The following APPL2 variants were observed in gnomAD, a reference collection of about 807,000 sequenced individuals.
APPL2 encodes adaptor protein, phosphotyrosine interacting with PH domain and leucine zipper 2.
In APPL2, 84 loss-of-function variants were observed where a neutral mutation model predicts 92.7. The ratio of observed to expected loss-of-function variants is 0.91; its 90% CI spans 0.76 to 1.09. The LOEUF is 1.09. Among genes scored for constraint, APPL2 ranks in the 50% least tolerant of loss-of-function variants. The probability of loss-of-function intolerance (pLI) is 0.00; values close to 1 mark genes in which losing one functional copy is unlikely to be tolerated. For synonymous variants in APPL2, 291 were observed against 291.0 expected, an observed-to-expected ratio of 1.00 and a Z score of 0.00; for missense variants, 736 against 824.5, an observed-to-expected ratio of 0.89 and a Z score of 1.31.
rs191225131 is a variant in APPL2, at chr12:105,183,625, C to T, written c.1634+4648G>A. 1.1e-3 allele frequency among the ~76,000 whole-genome samples: 165 copies of T among 152,264 alleles called. 3 individuals are homozygous for T. Among genetic ancestry groups the T allele is most frequent in the African/African-American group, 3.6e-3 (150 of 41,554 alleles). ...GTTGTAGCGTTTCTGCAGAGAGATC[C>T]GCCGTTAGTCTGATGGGTTTCCCTT... is the stretch of plus-strand genomic sequence containing the variant. On this transcript the variant is annotated intron_variant, in intron 17 of 20. Coordinates refer to ENST00000258530, the MANE Select transcript of APPL2 (RefSeq NM_018171.5).
intron 5 of APPL2, among the ~76,000 whole-genome samples, 178 bp from the exon 6 acceptor site, chr12:105,208,377 G>A (rs545641774): frequency 1.1e-4 from 16 of 152,252 alleles, no homozygotes; most frequent in African/African-American, 3.6e-4. Context: ...TGGAACATAC[G>A]GCTTCAACCA....
chr12:105,231,530 C>T (rs959781948), intron 1 of APPL2, among the ~76,000 whole-genome samples: 19 of 152,164 alleles, frequency 1.2e-4, no homozygotes, highest in Non-Finnish European at 5.9e-5. Context: ...TGTTCAACCT[C>T]CCACTGTAGG....
chr12:105,226,223 A>T (rs984046283), intron 2 of APPL2, among the ~76,000 whole-genome samples: 1 of 152,262 alleles, frequency 6.6e-6, no homozygotes, highest in Non-Finnish European at 1.5e-5. Context: ...AATTAAAAAC[A>T]AAACGAAACA....
At chr12:105,180,587 C>T (rs1190053845) in intron 17 of APPL2, among the ~76,000 whole-genome samples, 8 of 152,200 alleles carry the variant, frequency 5.3e-5, no homozygotes, top group Non-Finnish European at 1.2e-4. Flanking sequence ...ATTGATTCTT[C>T]CTATCCATGA....
Position 105,197,753 on chromosome 12 carries a change from C to T in APPL2, c.1052+12G>A, listed in dbSNP as rs377449067. 35 of 1,614,004 alleles carry T rather than the reference C, an allele frequency of 2.2e-5. No homozygotes were observed. The highest frequency in any genetic ancestry group is 2.3e-5 in the Non-Finnish European group (27 of 1,180,020). ...ACTCATTCTCCTCCCAAATAAAACG[C>T]GTGAAACATACGATTTTCCATTGGG... On this transcript the variant is annotated intron_variant, in intron 11 of 20. Coordinates refer to ENST00000258530, the MANE Select transcript of APPL2 (RefSeq NM_018171.5).
chr12:105,187,381 CATTT>C, intron 17 of APPL2, among the ~76,000 whole-genome samples: 1 of 152,304 alleles, frequency 6.6e-6, no homozygotes, highest in African/African-American at 2.4e-5. Flanking sequence ...TTCCTCATGA[CATTT>C]ATTCCTCATG....
At chr12:105,190,244 A>G in intron 14 of APPL2, 89 bp from the exon 15 acceptor site, 1 of 1,368,168 alleles carries the variant, frequency 7.3e-7, no homozygotes, top group Non-Finnish European at 9.9e-7. Context: ...TTTATGAATG[A>G]AAATACAAGG....
intron 20 of APPL2, 149 bp from the exon 21 acceptor site, chr12:105,174,597 T>C: frequency 1.4e-6 from 1 of 737,382 alleles, no homozygotes. Flanking sequence ...TCCTTGCTTC[T>C]CAAACTCAGG....
chr12:105,235,185 T>C (rs1170370439), intron 1 of APPL2: 1 of 152,162 alleles, frequency 6.6e-6, no homozygotes, highest in Non-Finnish European at 1.5e-5. Flanking sequence ...GGAGAAATGT[T>C]AAACAAAGGA....
intron 17 of APPL2, among the ~76,000 whole-genome samples, chr12:105,186,636 C>CAATATCATATATATG (rs1851192966): frequency 1.1e-5 from 1 of 88,650 alleles, no homozygotes; most frequent in Non-Finnish European, 2.6e-5. Context: ...TCATATATAT[C>CAATATCATATATATG]ATATATATGA....
intron 2 of APPL2, among the ~76,000 whole-genome samples, chr12:105,223,285 A>G (rs968177488): frequency 1.3e-5 from 2 of 152,226 alleles, no homozygotes; most frequent in Non-Finnish European, 2.9e-5. Context: ...CGTTGTTTCG[A>G]ATAAAGACCC....
intron 17 of APPL2, 138 bp from the exon 18 acceptor site, chr12:105,177,400 G>T: frequency 1.2e-6 from 1 of 850,410 alleles, no homozygotes; most frequent in South Asian, 1.6e-5. Flanking sequence ...CGAGATAGCT[G>T]TGTGTGACCA....
At chr12:105,211,419 C>T in intron 4 of APPL2, 102 bp from the exon 5 acceptor site, 2 of 822,708 alleles carry the variant, frequency 2.4e-6, no homozygotes, top group African/African-American at 1.7e-5. Context: ...CGTGTGGTCA[C>T]AGAGCTCAGG....
In APPL2 at chr12:105,217,131, G is replaced by C. The variant is rs1889757988; in HGVS notation, c.223C>G (p.Leu75Val). 3 of 1,608,530 alleles carry C rather than the reference G, an allele frequency of 1.9e-6. No individual in the cohort carries two copies. The South Asian group carries it at 3.3e-5, about 18-fold the overall frequency. The change falls in exon 4 of 21, where the codon CTT becomes GTT. Residue 75 changes from leucine to valine, a missense_variant. Physicochemically the swap from Leu to Val is conservative, Grantham distance 32. Transcript: ENST00000258530. The part of the protein sequence containing the change: ...LLAYEKQNFA[L>V]GKGDEEVIST... ...ATTACTTCTTCATCACCTTTGCCAA[G>C]AGCAAAGTTCTAAGACCAAAGAATA...
chr12:105,233,473 C>T, intron 1 of APPL2: 1 of 861,080 alleles, frequency 1.2e-6, no homozygotes, highest in Non-Finnish European at 1.4e-6. Flanking sequence ...CAGTTAACTG[C>T]TATTCAGCTC....
At position 105,174,399 on chromosome 12, in the gene APPL2, T is replaced by A; in HGVS notation, c.1910A>T (p.Asp637Val). 1 of 1,614,044 alleles carries A rather than the reference T, an allele frequency of 6.2e-7. No homozygotes were observed. Among genetic ancestry groups the A allele is most frequent in the South Asian group, 1.1e-5 (1 of 91,058 alleles). ...QLMLSIPLTN[D>V]GKYVLLNDQP... ...ATCGTTTAACAGTACATATTTTCCG[T>A]CATTGGTTAGTGGTATGGACAGCAT... The change falls in exon 21 of 21, where the codon GAC (aspartate) becomes GTC (valine). Residue 637 changes from aspartate (D) to valine (V), a missense_variant. Asp to Val is a radical substitution (Grantham distance 152, BLOSUM62 -3). Transcript: ENST00000258530.
At chr12:105,180,880 T>C (rs2135898712) in intron 17 of APPL2, among the ~76,000 whole-genome samples, 1 of 152,354 alleles carries the variant, frequency 6.6e-6, no homozygotes. Flanking sequence ...GATGGAGTTT[T>C]CTAAACATAC....
chr12:105,191,959 G>A (rs956697310), intron 14 of APPL2, among the ~76,000 whole-genome samples: 3 of 151,992 alleles, frequency 2.0e-5, no homozygotes, highest in Non-Finnish European at 4.4e-5. Context: ...TCAGTGCTAT[G>A]AGTCCCCGAT....
chr12:105,189,695 T>A, intron 16 of APPL2, 77 bp downstream of exon 16: 4 of 1,463,310 alleles, frequency 2.7e-6, no homozygotes, highest in Admixed American at 1.7e-5. Context: ...CTCTAAAACA[T>A]GATTTCACAT....
Sources: gnomAD v4.1 joint callset for allele counts (sites outside exome capture counted in the v4.1 genomes callset) on GRCh38, gnomAD v4.1.1 for gene constraint, MANE v1.5 for transcripts, NCBI Gene and HGNC (gene_info 2026-07-23, HGNC 2026-07-21) for gene names.